Variants in WRN observed in about 807,000 individuals in gnomAD.
The protein encoded by WRN is bifunctional 3'-5' exonuclease/ATP-dependent helicase WRN.
A neutral mutation model predicts 180.7 loss-of-function variants in WRN; 149 were observed. The observed-to-expected ratio is 0.82, with a 90% CI of 0.72 to 0.94. The LOEUF (loss-of-function observed/expected upper bound fraction) is 0.94. Among genes scored for constraint, WRN ranks in the 40% least tolerant of loss-of-function variants. The pLI is 0.00. For missense variants in WRN, 1,661 were observed against 1,700.1 expected (o/e 0.98, Z 0.40); for synonymous variants, 548 against 568.9 (o/e 0.96, Z 0.52).
In WRN at chr8:31,141,489, T is replaced by A. The variant is rs751280152; in HGVS notation, c.3027T>A (p.Asp1009Glu). Residue 1009 changes from aspartate to glutamate, a missense_variant, in exon 25 of 35, where the codon GAT (aspartate) becomes GAA (glutamate). This residue lies in a region of WRN where 1,141 missense variants were observed against 1,149.4 expected (regional missense o/e 0.99). Transcript: ENST00000298139. ...ACAGTTTATTTGGCACTGGCAAGGA[T>A]CAAACAGAGAGTTGGTGGAAGGCTT... ...RRHSLFGTGK[D>E]QTESWWKAFS... is the part of the protein sequence containing the mutation. 6.2e-7 allele frequency: 1 copy of A among 1,614,146 alleles called. No homozygotes were observed. The highest frequency in any genetic ancestry group is 8.5e-7 in the Non-Finnish European group (1 of 1,180,028).
At chr8:31,119,192 T>G (rs1801627743) in intron 20 of WRN, among the ~76,000 whole-genome samples, 1 of 151,878 alleles carries the variant, frequency 6.6e-6, no homozygotes, top group Non-Finnish European at 1.5e-5. Context: ...CTTCTTTCCT[T>G]CTTTTCTCTT....
chr8:31,044,367 G>GTTT (rs1811773670), intron 1 of WRN, among the ~76,000 whole-genome samples: 1 of 7,770 alleles, frequency 1.3e-4, no homozygotes, highest in Admixed American at 1.3e-3. Flanking sequence ...TTTTTTTTTT[G>GTTT]AGACGTTGAG....
intron 33 of WRN, among the ~76,000 whole-genome samples, chr8:31,161,871 C>T (rs894230219): frequency 6.9e-6 from 1 of 144,258 alleles, no homozygotes; most frequent in African/African-American, 2.5e-5. Flanking sequence ...TAAAAAGGTA[C>T]ATCTGTACAG....
At chr8:31,034,541 G>A (rs1180758937) in intron 1 of WRN, among the ~76,000 whole-genome samples, 2 of 152,104 alleles carry the variant, frequency 1.3e-5, no homozygotes, top group Non-Finnish European at 2.9e-5. Context: ...TTATGGTTCG[G>A]TACATTTCTT....
intron 19 of WRN, among the ~76,000 whole-genome samples, chr8:31,113,885 A>C (rs550316369): frequency 9.2e-5 from 14 of 152,196 alleles, no homozygotes; most frequent in Non-Finnish European, 1.8e-4. Flanking sequence ...TATTGTCTGC[A>C]AACACATCCT....
intron 28 of WRN, among the ~76,000 whole-genome samples, chr8:31,146,517 C>T: frequency 6.6e-6 from 1 of 151,770 alleles, no homozygotes; most frequent in Non-Finnish European, 1.5e-5. Flanking sequence ...TTGGAGTGTT[C>T]CTTGACTTTT....
chr8:31,090,392 T>C lies in WRN; in HGVS notation c.1653-73T>C, dbSNP rs900588704. The C allele has an allele frequency of 2.1e-6, 3 of 1,407,640 alleles. No homozygotes were observed. The African/African-American group carries it at 4.3e-5, about 20-fold the overall frequency. The allele number at this position is 1,407,640 out of a possible 1,614,324, so 87.2% of individuals were successfully genotyped here. ...AATTCTATGAGAGGAAATGAAAAAT[T>C]GAATGGATTTTAATTTGTACCTTGG... is the stretch of plus-strand genomic sequence containing the variant. On this transcript the variant is annotated intron_variant, in intron 13 of 34. Transcript: ENST00000298139.
intron 7 of WRN, among the ~76,000 whole-genome samples, chr8:31,075,180 A>T (rs1020620012): frequency 1.3e-5 from 2 of 152,174 alleles, no homozygotes; most frequent in Non-Finnish European, 2.9e-5. Flanking sequence ...GGATGAAAGG[A>T]TGCAGTTTGG....
At chr8:31,163,663 T>G (rs1803725594) in intron 33 of WRN, among the ~76,000 whole-genome samples, 1 of 152,116 alleles carries the variant, frequency 6.6e-6, no homozygotes, top group South Asian at 2.1e-4. Flanking sequence ...CCCCTTACCT[T>G]TAAAGTAAGA....
rs1803298679 is a variant in WRN, at chr8:31,154,584, G to C, written c.3688-40G>C. 3 of 1,576,202 alleles carry C rather than the reference G, an allele frequency of 1.9e-6. No individual in the cohort carries two copies. The African/African-American group carries it at 4.1e-5, about 21-fold the overall frequency. ...CATACATATATTCTATTATTGTATT[G>C]ATATTACTGATCATTTGTGCTACAT... On this transcript the variant is annotated intron_variant, in intron 31 of 34. Coordinates refer to ENST00000298139, the MANE Select transcript of WRN (RefSeq NM_000553.6).
In WRN at chr8:31,064,413, T is replaced by C. The variant is rs1812615367; in HGVS notation, c.334T>C (p.Phe112Leu). ...LCVSESKCYL[F>L]HVSSMSVFPQ... is the part of the protein sequence containing the mutation. ...TGTTTCTGAGAGCAAATGTTACTTGTTCCACGTTTCTTCCATGTCAGGTTG... is the reference window on the plus strand; with the variant it reads ...TGTTTCTGAGAGCAAATGTTACTTGCTCCACGTTTCTTCCATGTCAGGTTG... Residue 112 changes from phenylalanine to leucine, a missense_variant, in exon 4 of 35, where the codon TTC becomes CTC. This residue lies in a region of WRN where 500 missense variants were observed against 504.1 expected (regional missense o/e 0.99). Transcript: ENST00000298139. The C allele has an allele frequency of 3.7e-6, 6 of 1,614,030 alleles. No individual in the cohort carries two copies. The highest frequency in any genetic ancestry group is 5.1e-6 in the Non-Finnish European group (6 of 1,180,004).
chr8:31,059,314 G>A (rs1474372310), intron 3 of WRN, 49 bp downstream of exon 3: 1 of 1,456,106 alleles, frequency 6.9e-7, no homozygotes. Context: ...ACCCTTAGAA[G>A]GTACTATTAT....
At position 31,039,400 on chromosome 8, in the gene WRN, T is replaced by C. The variant is rs536792640; in HGVS notation, c.-77+5427T>C. Among the ~76,000 whole-genome samples the C allele has an allele frequency of 3.3e-5, 5 of 152,332 alleles. No homozygotes were observed. In the East Asian group the frequency reaches 9.6e-4, roughly 29 times the overall value. On this transcript the variant is annotated intron_variant, in intron 1 of 34. Coordinates refer to ENST00000298139, the MANE Select transcript of WRN (RefSeq NM_000553.6). ...CTGGTGTATAACAACAGCTGATATT[T>C]CAACGTTGATGTTGTACTCTGAAAC...
In WRN at chr8:31,124,516, C is replaced by T. The variant is rs776268892; in HGVS notation, c.2631-6C>T. ...TACATATTCCTGTGATGTTTTTAAT[C>T]GACAGGCACCTTCTTACTGAGATAC... On this transcript the variant is annotated splice_polypyrimidine_tract_variant and splice_region_variant and intron_variant, in intron 21 of 34. Coordinates refer to ENST00000298139, the MANE Select transcript of WRN (RefSeq NM_000553.6). 30 of 1,604,860 alleles carry T rather than the reference C, an allele frequency of 1.9e-5. No homozygotes were observed. The highest frequency in any genetic ancestry group is 2.2e-5 in the South Asian group (2 of 90,760).
At chr8:31,049,104 C>T (rs146759140) in intron 1 of WRN, among the ~76,000 whole-genome samples, 5,566 of 137,584 alleles carry the variant, frequency 0.04, 164 homozygotes, top group Non-Finnish European at 0.056. Flanking sequence ...CCAGCTACTC[C>T]GGAGGCTGAG....
chr8:31,165,576 C>CT (rs1178775641), intron 33 of WRN, among the ~76,000 whole-genome samples: 3 of 152,050 alleles, frequency 2.0e-5, no homozygotes, highest in African/African-American at 7.2e-5. Context: ...ATTTTACATA[C>CT]TTTTTTCTGT....
At position 31,141,519 on chromosome 8, in the gene WRN, C is replaced by G. The variant is rs1385735154; in HGVS notation, c.3057C>G (p.Ser1019=). ...DQTESWWKAF[S]RQLITEGFLV... is the part of the protein sequence containing the mutation. Reference sequence around the variant, plus strand: ...CAGAGAGTTGGTGGAAGGCTTTTTCCCGTCAGCTGATCACTGAGGGATTCT... The same window carrying G: ...CAGAGAGTTGGTGGAAGGCTTTTTCGCGTCAGCTGATCACTGAGGGATTCT... Residue 1019 remains serine, a synonymous_variant, in exon 25 of 35, where the codon TCC becomes TCG. Coordinates refer to ENST00000298139, the MANE Select transcript of WRN (RefSeq NM_000553.6). 4 of 1,613,886 alleles carry G rather than the reference C, an allele frequency of 2.5e-6. No homozygotes were observed. In the African/African-American group the frequency reaches 5.3e-5, roughly 22 times the overall value.
At chr8:31,057,570 C>G (rs187010721) in intron 1 of WRN, among the ~76,000 whole-genome samples, 6 of 151,572 alleles carry the variant, frequency 4.0e-5, no homozygotes, top group Non-Finnish European at 5.9e-5. Flanking sequence ...GACTCCGTCT[C>G]AAAACAAAAA....
At chr8:31,153,616 C>T (rs1803231578) in intron 31 of WRN, among the ~76,000 whole-genome samples, 1 of 152,086 alleles carries the variant, frequency 6.6e-6, no homozygotes, top group South Asian at 2.1e-4. Context: ...AAAATGTAAT[C>T]CCCCAAAGTA....
Sources: allele counts gnomAD v4.1 joint callset (sites outside exome capture counted in the v4.1 genomes callset), GRCh38; gene constraint gnomAD v4.1.1; regional missense constraint gnomAD v4.1.1; transcripts MANE v1.5; gene names NCBI Gene and HGNC (gene_info 2026-07-23, HGNC 2026-07-21).